CNTNAP2: variants seen among roughly 807,000 people sequenced by gnomAD.
CNTNAP2 encodes contactin associated protein 2.
A neutral mutation model predicts 155.2 loss-of-function variants in CNTNAP2; 98 were observed. The observed-to-expected ratio is 0.63, with a 90% CI of 0.54 to 0.75. CNTNAP2 has a LOEUF of 0.75. Among genes scored for constraint, CNTNAP2 ranks in the 30% least tolerant of loss-of-function variants. The pLI, the probability that CNTNAP2 is intolerant of heterozygous loss-of-function variation, is 0.00. For synonymous variants in CNTNAP2, 651 were observed against 631.2 expected (o/e 1.03, Z -0.47); for missense variants, 1,727 against 1,688.1 (o/e 1.02, Z -0.40).
intron 21 of CNTNAP2, among the ~76,000 whole-genome samples, chr7:148,296,344 T>C (rs1213106896): frequency 6.6e-6 from 1 of 151,738 alleles, no homozygotes; most frequent in East Asian, 1.9e-4. Context: ...GAGACCAGCC[T>C]GGGCAACACA....
intron 1 of CNTNAP2, among the ~76,000 whole-genome samples, chr7:146,146,342 A>G (rs1797957977): frequency 6.6e-6 from 1 of 152,168 alleles, no homozygotes; most frequent in African/African-American, 2.4e-5. Context: ...AACTAAGGCC[A>G]TAGAATATTT....
intron 1 of CNTNAP2, among the ~76,000 whole-genome samples, chr7:146,322,284 C>A (rs1801017544): frequency 6.6e-6 from 1 of 152,156 alleles, no homozygotes; most frequent in Non-Finnish European, 1.5e-5. Flanking sequence ...TTGCCTGCTT[C>A]ACAGTAAAGA....
intron 11 of CNTNAP2, among the ~76,000 whole-genome samples, chr7:147,540,292 C>A (rs988945831): frequency 6.6e-6 from 1 of 152,136 alleles, no homozygotes; most frequent in East Asian, 1.9e-4. Context: ...ACATCTCTTT[C>A]CTTCTACTTT....
At chr7:146,824,808 T>C (rs901822691) in intron 2 of CNTNAP2, among the ~76,000 whole-genome samples, 17 of 152,086 alleles carry the variant, frequency 1.1e-4, no homozygotes, top group African/African-American at 4.1e-4. Context: ...GGGAAAACTT[T>C]TAGGATAGTA....
chr7:147,955,046 CCCA>C (rs1800995826), intron 14 of CNTNAP2, among the ~76,000 whole-genome samples: 1 of 152,180 alleles, frequency 6.6e-6, no homozygotes, highest in Admixed American at 6.5e-5. Context: ...CACTGAATTT[CCCA>C]CCACAAGTGA....
chr7:146,996,752 G>T (rs1798315542), intron 3 of CNTNAP2, among the ~76,000 whole-genome samples: 1 of 151,944 alleles, frequency 6.6e-6, no homozygotes, highest in African/African-American at 2.4e-5. Flanking sequence ...CATGTTAATA[G>T]AAGCGGTGAA....
chr7:147,943,774 A>G (rs1375583979), intron 14 of CNTNAP2, among the ~76,000 whole-genome samples: 3 of 85,844 alleles, frequency 3.5e-5, no homozygotes, highest in Non-Finnish European at 8.1e-5. Context: ...CTCAAAAAAA[A>G]AAAAAAAAAA....
intron 22 of CNTNAP2, among the ~76,000 whole-genome samples, chr7:148,405,183 T>C (rs1799670377): frequency 6.6e-6 from 1 of 152,074 alleles, no homozygotes; most frequent in South Asian, 2.1e-4. Context: ...GAATGTTGAG[T>C]TGGAAAAGTG....
At chr7:148,101,158 A>T (rs1012433273) in intron 15 of CNTNAP2, among the ~76,000 whole-genome samples, 2 of 151,140 alleles carry the variant, frequency 1.3e-5, no homozygotes, top group Non-Finnish European at 3.0e-5. Flanking sequence ...GGGGAGGGAT[A>T]GCATTAGGAG....
At chr7:147,078,587 G>T (rs557126359) in intron 4 of CNTNAP2, among the ~76,000 whole-genome samples, 34 of 151,794 alleles carry the variant, frequency 2.2e-4, no homozygotes, top group Non-Finnish European at 3.8e-4. Flanking sequence ...ATGCCTGCAG[G>T]TTCCATTTTG....
At chr7:146,982,172 A>G (rs1798030676) in intron 3 of CNTNAP2, among the ~76,000 whole-genome samples, 1 of 152,204 alleles carries the variant, frequency 6.6e-6, no homozygotes, top group Non-Finnish European at 1.5e-5. Context: ...CCTGGTATAT[A>G]GAGCCATTAA....
chr7:146,454,049 G>A (rs1462907090), intron 1 of CNTNAP2, among the ~76,000 whole-genome samples: 2 of 151,946 alleles, frequency 1.3e-5, no homozygotes, highest in East Asian at 3.9e-4. Flanking sequence ...TCAAAAAAAT[G>A]GAAAAAGCTA....
chr7:147,508,353 AG>A lies in CNTNAP2; in HGVS notation c.1777+22313del, dbSNP rs146401273. ...CTTTAGCAACCCAGCCACTGAAGCCAGTAATCTAGCCACATCTAATTGGTCA... is the reference window on the plus strand; with the variant it reads ...CTTTAGCAACCCAGCCACTGAAGCCATAATCTAGCCACATCTAATTGGTCA... On this transcript the variant is annotated intron_variant, in intron 11 of 23. Coordinates refer to ENST00000361727, the MANE Select transcript of CNTNAP2 (RefSeq NM_014141.6). Among the ~76,000 whole-genome samples the A allele has an allele frequency of 2.1e-3, 325 of 152,292 alleles. 1 individual carries two copies. The highest frequency in any genetic ancestry group is 0.01 in the Middle Eastern group (3 of 294).
At chr7:147,490,142 A>G (rs2116646583) in intron 11 of CNTNAP2, among the ~76,000 whole-genome samples, 1 of 152,292 alleles carries the variant, frequency 6.6e-6, no homozygotes, top group African/African-American at 2.4e-5. Flanking sequence ...ATTAAAGGAG[A>G]GATTTTCATG....
chr7:147,069,734 C>A (rs1001177712), intron 4 of CNTNAP2, among the ~76,000 whole-genome samples: 2 of 152,176 alleles, frequency 1.3e-5, no homozygotes, highest in Non-Finnish European at 2.9e-5. Flanking sequence ...TACTTACTAT[C>A]ATTCTCTGTT....
chr7:147,902,338 T>G (rs1023507718), intron 13 of CNTNAP2, among the ~76,000 whole-genome samples: 3 of 152,234 alleles, frequency 2.0e-5, no homozygotes, highest in African/African-American at 7.2e-5. Context: ...AATTGTGATA[T>G]ATACTTTTGA....
intron 10 of CNTNAP2, among the ~76,000 whole-genome samples, chr7:147,458,407 C>G (rs755449000): frequency 1.2e-4 from 19 of 152,062 alleles, no homozygotes; most frequent in Non-Finnish European, 2.9e-5. Flanking sequence ...TATTGAGATA[C>G]TGTGTTGATA....
intron 1 of CNTNAP2, among the ~76,000 whole-genome samples, chr7:146,727,542 A>G (rs1483959487): frequency 1.3e-5 from 2 of 152,142 alleles, no homozygotes; most frequent in Non-Finnish European, 2.9e-5. Context: ...ACTTACCCAC[A>G]CACACTAAAA....
chr7:147,795,746 T>C (rs1797883119), intron 13 of CNTNAP2, among the ~76,000 whole-genome samples: 1 of 152,152 alleles, frequency 6.6e-6, no homozygotes, highest in East Asian at 1.9e-4. Context: ...GCTCTGTTAT[T>C]AACTAGTTGA....
Sources: allele counts gnomAD v4.1 joint callset (sites outside exome capture counted in the v4.1 genomes callset), GRCh38; gene constraint gnomAD v4.1.1; transcripts MANE v1.5; gene names NCBI Gene and HGNC (gene_info 2026-07-23, HGNC 2026-07-21).